DACH1: variants seen among roughly 807,000 people sequenced by gnomAD.
The protein encoded by DACH1 is dachshund homolog 1.
Under a neutral mutation model 54.2 loss-of-function variants are expected in DACH1, and 12 were observed. The ratio of observed to expected loss-of-function variants is 0.22; its 90% CI spans 0.14 to 0.36. The LOEUF is 0.36. Among genes scored for constraint, DACH1 ranks in the 10% least tolerant of loss-of-function variants. The pLI, the probability that DACH1 is intolerant of heterozygous loss-of-function variation, is 1.00. For synonymous variants in DACH1, 386 were observed against 366.2 expected (o/e 1.05, Z -0.62); for missense variants, 805 against 929.8 (o/e 0.87, Z 1.75).
At chr13:71,623,869 T>C (rs1367427328) in intron 3 of DACH1, among the ~76,000 whole-genome samples, 1 of 151,854 alleles carries the variant, frequency 6.6e-6, no homozygotes, top group Non-Finnish European at 1.5e-5. Context: ...AGGACTTACT[T>C]GGTCACACAA....
intron 4 of DACH1, among the ~76,000 whole-genome samples, chr13:71,564,036 T>C (rs1292230095): frequency 6.6e-6 from 1 of 152,036 alleles, no homozygotes; most frequent in African/African-American, 2.4e-5. Context: ...TTTGAATACA[T>C]TGTTGCACAA....
At chr13:71,857,649 C>G (rs1005462941) in intron 1 of DACH1, among the ~76,000 whole-genome samples, 1 of 151,716 alleles carries the variant, frequency 6.6e-6, no homozygotes, top group Non-Finnish European at 1.5e-5. Flanking sequence ...CACACAAGAA[C>G]ATTCATCCTC....
intron 1 of DACH1, among the ~76,000 whole-genome samples, chr13:71,713,498 T>TA (rs1189755055): frequency 6.6e-5 from 10 of 152,142 alleles, no homozygotes; most frequent in African/African-American, 1.7e-4. Context: ...GATGCATTAG[T>TA]AAAAAACAGA....
intron 1 of DACH1, among the ~76,000 whole-genome samples, chr13:71,760,135 T>C (rs1049005922): frequency 6.6e-6 from 1 of 152,218 alleles, no homozygotes; most frequent in African/African-American, 2.4e-5. Flanking sequence ...CTCCTCTTAG[T>C]TCTTTTCATT....
intron 2 of DACH1, among the ~76,000 whole-genome samples, chr13:71,680,964 G>A (rs543885949): frequency 1.3e-5 from 2 of 151,908 alleles, no homozygotes; most frequent in South Asian, 4.2e-4. Context: ...TGTATCAGCT[G>A]TATTATAATA....
At chr13:71,508,227 T>C (rs1373433549) in intron 6 of DACH1, among the ~76,000 whole-genome samples, 2 of 152,160 alleles carry the variant, frequency 1.3e-5, no homozygotes, top group African/African-American at 4.8e-5. Flanking sequence ...TATTTGACTG[T>C]AAATTTAGTC....
intron 1 of DACH1, among the ~76,000 whole-genome samples, chr13:71,844,561 A>C (rs1290795856): frequency 6.6e-6 from 1 of 152,182 alleles, no homozygotes; most frequent in Non-Finnish European, 1.5e-5. Flanking sequence ...GATTTATGCA[A>C]TATATCATTT....
chr13:71,827,534 A>G (rs1888427104), intron 1 of DACH1, among the ~76,000 whole-genome samples: 1 of 152,096 alleles, frequency 6.6e-6, no homozygotes. Flanking sequence ...CAGAAGCGCC[A>G]GCAGACCCAG....
At chr13:71,694,658 CT>C (rs1288350226) in intron 1 of DACH1, among the ~76,000 whole-genome samples, 4 of 152,198 alleles carry the variant, frequency 2.6e-5, no homozygotes, top group African/African-American at 9.6e-5. Context: ...TGAATAGACA[CT>C]GTTTTACCAT....
At chr13:71,800,335 G>T (rs1175227136) in intron 1 of DACH1, among the ~76,000 whole-genome samples, 1 of 151,990 alleles carries the variant, frequency 6.6e-6, no homozygotes, top group African/African-American at 2.4e-5. Flanking sequence ...GCACTAAAAA[G>T]AATAAAATAA....
chr13:71,744,209 G>A (rs1884515080), intron 1 of DACH1, among the ~76,000 whole-genome samples: 1 of 152,176 alleles, frequency 6.6e-6, no homozygotes. Flanking sequence ...TGGATAAACT[G>A]ACTACCTCAT....
chr13:71,687,191 G>C (rs1881211697), intron 1 of DACH1, among the ~76,000 whole-genome samples: 1 of 152,062 alleles, frequency 6.6e-6, no homozygotes, highest in African/African-American at 2.4e-5. Flanking sequence ...ACAAAACCAA[G>C]AGGTTTGTAA....
intron 6 of DACH1, among the ~76,000 whole-genome samples, chr13:71,504,744 AC>A (rs1339260275): frequency 6.6e-6 from 1 of 152,136 alleles, no homozygotes; most frequent in African/African-American, 2.4e-5. Flanking sequence ...GTAACCAGTG[AC>A]TTTTTATTTC....
chr13:71,611,988 C>T (rs1188682389), intron 3 of DACH1, among the ~76,000 whole-genome samples: 1 of 151,878 alleles, frequency 6.6e-6, no homozygotes, highest in Non-Finnish European at 1.5e-5. Flanking sequence ...GAGGGACAAT[C>T]GTATGAGGAT....
At chr13:71,693,619 G>A (rs756695743) in intron 1 of DACH1, among the ~76,000 whole-genome samples, 50 of 151,874 alleles carry the variant, frequency 3.3e-4, no homozygotes, top group Admixed American at 7.2e-4. Flanking sequence ...CGCCCGGCCT[G>A]GTTTTGCTTT....
chr13:71,442,319 C>A (rs575449364), intron 10 of DACH1, among the ~76,000 whole-genome samples: 3 of 152,050 alleles, frequency 2.0e-5, no homozygotes, highest in Non-Finnish European at 4.4e-5. Flanking sequence ...TGGCTTATTT[C>A]ACTTAGCATA....
intron 1 of DACH1, among the ~76,000 whole-genome samples, chr13:71,754,388 A>G (rs1885054874): frequency 6.6e-6 from 1 of 152,202 alleles, no homozygotes; most frequent in Non-Finnish European, 1.5e-5. Context: ...GCAATCAAGT[A>G]TCTGTACTAT....
At chr13:71,678,998 C>T (rs1039928419) in intron 2 of DACH1, among the ~76,000 whole-genome samples, 15 of 152,106 alleles carry the variant, frequency 9.9e-5, no homozygotes, top group African/African-American at 3.6e-4. Context: ...TCCTAATGAG[C>T]CTCCATTTCC....
intron 1 of DACH1, among the ~76,000 whole-genome samples, chr13:71,744,807 C>T (rs1320349493): frequency 6.6e-6 from 1 of 152,124 alleles, no homozygotes; most frequent in African/African-American, 2.4e-5. Context: ...CATGAAACAT[C>T]ATAGGTTAAA....
Sources: allele counts gnomAD v4.1 joint callset (sites outside exome capture counted in the v4.1 genomes callset), GRCh38; gene constraint gnomAD v4.1.1; transcripts MANE v1.5; gene names NCBI Gene and HGNC (gene_info 2026-07-23, HGNC 2026-07-21).